Variants in SIPA1L1 observed in about 807,000 individuals in gnomAD.
The protein encoded by SIPA1L1 is signal-induced proliferation-associated 1-like protein 1.
A neutral mutation model predicts 162.7 loss-of-function variants in SIPA1L1; 26 were observed. The observed-to-expected ratio is 0.16, with a 90% CI of 0.12 to 0.22. SIPA1L1 has a LOEUF of 0.22. Among genes scored for constraint, SIPA1L1 ranks in the 10% least tolerant of loss-of-function variants. The pLI is 1.00. For missense variants in SIPA1L1, 1,874 were observed against 2,241.0 expected (o/e 0.84, Z 3.31); for synonymous variants, 829 against 837.4 (o/e 0.99, Z 0.17).
intron 12 of SIPA1L1, among the ~76,000 whole-genome samples, chr14:71,680,378 T>C (rs1424586277): frequency 6.6e-6 from 1 of 152,150 alleles, no homozygotes; most frequent in East Asian, 1.9e-4. Flanking sequence ...TTGAAACCAA[T>C]GAGAACAAAG....
intron 7 of SIPA1L1, among the ~76,000 whole-genome samples, chr14:71,637,326 T>TGA (rs1044815956): frequency 2.6e-5 from 4 of 151,894 alleles, no homozygotes; most frequent in African/African-American, 7.3e-5. Context: ...TAAGATATTT[T>TGA]GAGAGAGAGA....
At chr14:71,364,966 C>G (rs34748537) in intron 2 of SIPA1L1, among the ~76,000 whole-genome samples, 24,781 of 151,972 alleles carry the variant, frequency 0.16, 2,630 homozygotes, top group Middle Eastern at 0.34. Context: ...AGGCTGGTCT[C>G]GAATTCCTGG....
chr14:71,707,948 G>GT (rs2082575493), intron 16 of SIPA1L1, among the ~76,000 whole-genome samples: 1 of 146,286 alleles, frequency 6.8e-6, no homozygotes, highest in African/African-American at 2.5e-5. Flanking sequence ...GTTTTGATTC[G>GT]TATTTCCCTA....
At chr14:71,583,446 A>C (rs887780825) in intron 4 of SIPA1L1, among the ~76,000 whole-genome samples, 6 of 152,172 alleles carry the variant, frequency 3.9e-5, no homozygotes, top group Admixed American at 6.5e-5. Flanking sequence ...AGAAGATCTC[A>C]TTTTGGAATG....
intron 18 of SIPA1L1, 65 bp downstream of exon 18, chr14:71,723,951 T>C (rs2150219981): frequency 6.3e-7 from 1 of 1,590,094 alleles, no homozygotes; most frequent in African/African-American, 1.3e-5. Context: ...TAGAAAAGCT[T>C]GGCGTGATCT....
intron 4 of SIPA1L1, among the ~76,000 whole-genome samples, chr14:71,567,166 G>A (rs2146843460): frequency 6.6e-6 from 1 of 152,314 alleles, no homozygotes; most frequent in South Asian, 2.1e-4. Flanking sequence ...ACTATGAGTT[G>A]TAAAATTGTT....
At chr14:71,398,906 C>T (rs531123800) in intron 2 of SIPA1L1, among the ~76,000 whole-genome samples, 1 of 152,274 alleles carries the variant, frequency 6.6e-6, no homozygotes, top group African/African-American at 2.4e-5. Context: ...GCTTTTTGCT[C>T]AGAACCTTAT....
At chr14:71,428,576 C>T (rs1272045990) in intron 2 of SIPA1L1, among the ~76,000 whole-genome samples, 1 of 151,838 alleles carries the variant, frequency 6.6e-6, no homozygotes, top group Non-Finnish European at 1.5e-5. Flanking sequence ...AATGTCTGGC[C>T]CTTAAAAGGG....
intron 2 of SIPA1L1, among the ~76,000 whole-genome samples, chr14:71,391,886 C>A (rs1234056884): frequency 6.6e-6 from 1 of 152,170 alleles, no homozygotes; most frequent in East Asian, 1.9e-4. Flanking sequence ...AGTAGTAGAT[C>A]AAGGTGTATT....
chr14:71,735,134 T>C, intron 21 of SIPA1L1, 143 bp from the exon 22 acceptor site: 1 of 648,172 alleles, frequency 1.5e-6, no homozygotes, highest in Non-Finnish European at 2.8e-6. Flanking sequence ...TTTTTCCCTG[T>C]GAGGGTTGGG....
chr14:71,408,938 C>A (rs1330043951), intron 2 of SIPA1L1, among the ~76,000 whole-genome samples: 1 of 152,074 alleles, frequency 6.6e-6, no homozygotes, highest in Non-Finnish European at 1.5e-5. Flanking sequence ...AAATCGGGAT[C>A]CTCCTAAAGA....
At chr14:71,579,862 A>C (rs530252436) in intron 4 of SIPA1L1, among the ~76,000 whole-genome samples, 1 of 152,236 alleles carries the variant, frequency 6.6e-6, no homozygotes, top group African/African-American at 2.4e-5. Context: ...AAACTGCACT[A>C]TCCTTAATAA....
intron 22 of SIPA1L1, 152 bp downstream of exon 22, chr14:71,735,543 T>C (rs1473022106): frequency 1.6e-5 from 9 of 549,516 alleles, no homozygotes; most frequent in African/African-American, 3.8e-5. Flanking sequence ...CAGAACGCTT[T>C]GTAACTGAAT....
intron 2 of SIPA1L1, among the ~76,000 whole-genome samples, chr14:71,397,190 T>C (rs2041271843): frequency 6.6e-6 from 1 of 152,172 alleles, no homozygotes; most frequent in Non-Finnish European, 1.5e-5. Flanking sequence ...TGGACAACAG[T>C]ATAGCCATCT....
At chr14:71,479,142 A>G (rs73302913) in intron 2 of SIPA1L1, among the ~76,000 whole-genome samples, 4,848 of 152,136 alleles carry the variant, frequency 0.032, 270 homozygotes, top group African/African-American at 0.11. Flanking sequence ...GCTCATTGCC[A>G]GTTTGGTAGT....
At chr14:71,353,630 G>T (rs536186264) in intron 2 of SIPA1L1, among the ~76,000 whole-genome samples, 5 of 152,242 alleles carry the variant, frequency 3.3e-5, no homozygotes, top group Middle Eastern at 3.4e-3. Flanking sequence ...CAGTTAAGAG[G>T]CAGTGGGGGT....
Position 71,588,870 on chromosome 14 carries a change from A to G in SIPA1L1, c.998A>G (p.His333Arg). 6.2e-7 allele frequency: 1 copy of G among 1,614,162 alleles called. No homozygotes were observed. Among genetic ancestry groups the G allele is most frequent in the South Asian group, 1.1e-5 (1 of 91,086 alleles). The stretch of plus-strand genomic sequence containing the variant: ...TGGACATGTCCAAAGTGCTTTGCCC[A>G]CTATGATGTCCAGAGTATATTATTT... ...RPWTCPKCFA[H>R]YDVQSILFDL... The change falls in exon 5 of 24, where the codon CAC (histidine) becomes CGC (arginine). Residue 333 changes from histidine to arginine, a missense_variant. His to Arg is a conservative substitution (Grantham distance 29). Coordinates refer to ENST00000381232, the MANE Select transcript of SIPA1L1 (RefSeq NM_001386936.1). This position sits in a 1 kb window ranked among gnomAD's most constrained non-coding sequence, Gnocchi z 4.3.
At position 71,480,590 on chromosome 14, in the gene SIPA1L1, C is replaced by T. The variant is rs541663150; in HGVS notation, c.-464-32153C>T. Among the ~76,000 whole-genome samples, 35 of 151,606 alleles carry T rather than the reference C, an allele frequency of 2.3e-4. No individual in the cohort carries two copies. The East Asian group carries it at 5.3e-3, about 23-fold the overall frequency. On this transcript the variant is annotated intron_variant, in intron 2 of 23. Transcript: ENST00000381232. The stretch of plus-strand genomic sequence containing the variant: ...CAGCCTGGCCAACATGGTGAGACCC[C>T]GTCTCTACTAAAAATACAAAAATTA...
chr14:71,732,446 G>T lies in SIPA1L1; in HGVS notation c.4862-1220G>T, dbSNP rs74988181. On this transcript the variant is annotated intron_variant, in intron 20 of 23. Transcript: ENST00000381232. ...TACTGAGGGCATTTCTATGTCATGA[G>T]CGTCGTTTCCCCTGGACCCCAGCAG... 3.1e-4 allele frequency among the ~76,000 whole-genome samples: 47 copies of T among 152,224 alleles called. 1 individual carries two copies. Among genetic ancestry groups the T allele is most frequent in the African/African-American group, 1.1e-3 (44 of 41,538 alleles).
Sources: allele counts gnomAD v4.1 joint callset (sites outside exome capture counted in the v4.1 genomes callset), GRCh38; gene constraint gnomAD v4.1.1; non-coding constraint Gnocchi (gnomAD v3.1); transcripts MANE v1.5; gene names NCBI Gene and HGNC (gene_info 2026-07-23, HGNC 2026-07-21).